Variants in DAAM2 observed in about 807,000 individuals in gnomAD.
DAAM2 encodes disheveled-associated activator of morphogenesis 2.
In DAAM2, 39 loss-of-function variants were observed where a neutral mutation model predicts 120.7. The ratio of observed to expected loss-of-function variants is 0.32; its 90% CI spans 0.25 to 0.42. The LOEUF (loss-of-function observed/expected upper bound fraction) is 0.42, where lower values mean the gene tolerates loss of function less well. Ranked by LOEUF, DAAM2 falls within the 10% of genes least tolerant of loss-of-function variation. The pLI, the probability that DAAM2 is intolerant of heterozygous loss-of-function variation, is 1.00. For missense variants in DAAM2, 1,283 were observed against 1,401.7 expected, an observed-to-expected ratio of 0.92 and a Z score of 1.35; for synonymous variants, 488 against 524.9, an observed-to-expected ratio of 0.93 and a Z score of 0.96.
intron 1 of DAAM2, among the ~76,000 whole-genome samples, chr6:39,793,396 A>C (rs1376525222): frequency 2.6e-5 from 4 of 151,918 alleles, no homozygotes; most frequent in Admixed American, 2.6e-4. Flanking sequence ...GGAGATTTTT[A>C]TCAAAATTGA....
intron 1 of DAAM2, among the ~76,000 whole-genome samples, chr6:39,797,062 A>T (rs989659600): frequency 1.3e-5 from 2 of 152,176 alleles, no homozygotes; most frequent in African/African-American, 4.8e-5. Flanking sequence ...CAGCCTGGAG[A>T]TGGAGACCCT....
At chr6:39,899,167 G>C (rs1766317030) in intron 22 of DAAM2, among the ~76,000 whole-genome samples, 1 of 152,250 alleles carries the variant, frequency 6.6e-6, no homozygotes, top group Non-Finnish European at 1.5e-5. Flanking sequence ...CTATTTGGCA[G>C]TGGAGTGGAA....
chr6:39,870,311 G>C, intron 7 of DAAM2, 29 bp from the exon 8 acceptor site: 1 of 1,400,932 alleles, frequency 7.1e-7, no homozygotes, highest in Non-Finnish European at 9.9e-7. Flanking sequence ...ATCTGCCAAT[G>C]AGTCTGGCCC....
intron 5 of DAAM2, among the ~76,000 whole-genome samples, chr6:39,866,846 A>C (rs1377290622): frequency 7.9e-5 from 12 of 152,242 alleles, no homozygotes; most frequent in Non-Finnish European, 1.5e-4. Context: ...GATTATGCTA[A>C]TACTACTGTC....
At chr6:39,868,782 C>T (rs1764530797) in intron 6 of DAAM2, 41 bp from the exon 7 acceptor site, 2 of 1,473,364 alleles carry the variant, frequency 1.4e-6, no homozygotes, top group Non-Finnish European at 1.9e-6. Context: ...CTGTTGGGAA[C>T]TCAGCCCTCT....
intron 1 of DAAM2, chr6:39,820,374 A>G (rs571441252): frequency 6.6e-6 from 1 of 152,320 alleles, no homozygotes; most frequent in South Asian, 2.1e-4. Flanking sequence ...TTTTAATTTT[A>G]TTTAAAACCT....
At chr6:39,797,423 G>A (rs1234375744) in intron 1 of DAAM2, among the ~76,000 whole-genome samples, 1 of 152,164 alleles carries the variant, frequency 6.6e-6, no homozygotes. Flanking sequence ...ACATTTCACA[G>A]CCCAAATTCT....
chr6:39,900,284 G>A (rs1766400824), intron 23 of DAAM2, 76 bp downstream of exon 23: 1 of 1,539,172 alleles, frequency 6.5e-7, no homozygotes, highest in Non-Finnish European at 8.8e-7. Flanking sequence ...TCCTACCACA[G>A]ACAGCCCAGG....
At chr6:39,857,933 G>A (rs900453816) in intron 2 of DAAM2, among the ~76,000 whole-genome samples, 1 of 152,008 alleles carries the variant, frequency 6.6e-6, no homozygotes, top group African/African-American at 2.4e-5. Context: ...CAAGTGTGAT[G>A]AGTGCTAGGA....
intron 1 of DAAM2, among the ~76,000 whole-genome samples, chr6:39,849,219 G>A (rs1421046851): frequency 3.3e-5 from 5 of 152,174 alleles, no homozygotes; most frequent in South Asian, 2.1e-4. Flanking sequence ...GGTAGTAGCC[G>A]TAGACAATAC....
chr6:39,878,613 A>G lies in DAAM2; in HGVS notation c.1545+25A>G. On this transcript the variant is annotated intron_variant, in intron 13 of 24. Transcript: ENST00000274867. The surrounding 1 kb of genome is among the most constrained non-coding windows in gnomAD (Gnocchi z 5.0). ...AGTATGCAAGCATCTCCCCCTTTAC[A>G]TAGTTGAGCCAAGACCCTGGGCTTC... 6.3e-7 allele frequency: 1 copy of G among 1,582,868 alleles called. No individual in the cohort carries two copies.
In DAAM2 at chr6:39,867,614, T is replaced by C. The variant is rs779437771; in HGVS notation, c.533T>C (p.Ile178Thr). ...TCESRIHTSL[I>T]GCIKALMNNS... ...GAGAGCCGCATCCACACCTCACTCATTGGCTGCATCAAAGCATTGATGAAC... is the reference window on the plus strand; with the variant it reads ...GAGAGCCGCATCCACACCTCACTCACTGGCTGCATCAAAGCATTGATGAAC... The change falls in exon 6 of 25, where the codon ATT becomes ACT. Residue 178 changes from isoleucine to threonine, a missense_variant. Coordinates refer to ENST00000274867, the MANE Select transcript of DAAM2 (RefSeq NM_001201427.2). The C allele has an allele frequency of 3.1e-6, 5 of 1,614,034 alleles. No homozygotes were observed. Among genetic ancestry groups the C allele is most frequent in the Admixed American group, 1.7e-5 (1 of 60,022 alleles).
At chr6:39,899,941 A>C in intron 22 of DAAM2, 136 bp from the exon 23 acceptor site, 1 of 988,166 alleles carries the variant, frequency 1.0e-6, no homozygotes, top group East Asian at 2.7e-5. Context: ...TGCCATCCTT[A>C]GAACTTTGAG....
chr6:39,884,934 G>A (rs1765308271), intron 15 of DAAM2: 1 of 152,184 alleles, frequency 6.6e-6, no homozygotes, highest in South Asian at 2.1e-4. Context: ...TTTGGGGAAT[G>A]ACCAGCTTAG....
At position 39,860,967 on chromosome 6, in the gene DAAM2, T is replaced by C. The variant is rs370116070; in HGVS notation, c.208T>C (p.Phe70Leu). The C allele has an allele frequency of 2.1e-5, 34 of 1,613,302 alleles. 1 individual carries two copies. The highest frequency in any genetic ancestry group is 2.8e-5 in the Non-Finnish European group (33 of 1,179,692). The change falls in exon 3 of 25, where the codon TTT becomes CTT. Residue 70 changes from phenylalanine (F) to leucine (L), a missense_variant. Coordinates refer to ENST00000274867, the MANE Select transcript of DAAM2 (RefSeq NM_001201427.2). ...DLTDKNREAM[F>L]ALPPEKKWQI... ...CACTGACAAAAACCGAGAGGCTATG[T>C]TTGCACTGCCCCCTGAGAAGAAATG...
rs749730800 is a variant in DAAM2 at position 39,867,505 on chromosome 6, T to G, written c.429-5T>G. On this transcript the variant is annotated splice_region_variant and splice_polypyrimidine_tract_variant and intron_variant, in intron 5 of 24. Transcript: ENST00000274867. ...TATATGTTTGTTAATGGCTCTGATT[T>G]GTAGGTTTGTGACCCGCTTCATTGA... The G allele has an allele frequency of 6.2e-7, 1 of 1,612,910 alleles. No individual in the cohort carries two copies. The highest frequency in any genetic ancestry group is 1.7e-5 in the Admixed American group (1 of 60,016).
At chr6:39,815,730 TG>T (rs1762290185) in intron 1 of DAAM2, among the ~76,000 whole-genome samples, 1 of 152,018 alleles carries the variant, frequency 6.6e-6, no homozygotes. Flanking sequence ...TATGGAGGTC[TG>T]GGGAGACCAA....
chr6:39,811,854 A>T (rs1466262431), intron 1 of DAAM2, among the ~76,000 whole-genome samples: 8 of 151,974 alleles, frequency 5.3e-5, no homozygotes, highest in African/African-American at 1.9e-4. Context: ...CTCCTTAGAC[A>T]CCAGGGTTGG....
Position 39,867,522 on chromosome 6 carries a change from C to T in DAAM2, c.441C>T (p.Arg147=). ...LRTQPMRFVT[R]FIELEGLTCL... is the part of the protein sequence containing the mutation. The stretch of plus-strand genomic sequence containing the variant: ...CTCTGATTTGTAGGTTTGTGACCCG[C>T]TTCATTGAGCTGGAGGGCTTGACCT... The change falls in exon 6 of 25, where the codon CGC becomes CGT. Residue 147 remains arginine (R), a synonymous_variant. Transcript: ENST00000274867. 1 of 1,613,780 alleles carries T rather than the reference C, an allele frequency of 6.2e-7. No homozygotes were observed. The highest frequency in any genetic ancestry group is 8.5e-7 in the Non-Finnish European group (1 of 1,179,656).
Sources: gnomAD v4.1 joint callset for allele counts (sites outside exome capture counted in the v4.1 genomes callset) on GRCh38, gnomAD v4.1.1 for gene constraint, Gnocchi (gnomAD v3.1) non-coding constraint, MANE v1.5 for transcripts, NCBI Gene and HGNC (gene_info 2026-07-23, HGNC 2026-07-21) for gene names.